Variants in CDYL2 observed in about 807,000 individuals in gnomAD.
The protein encoded by CDYL2 is chromodomain Y like 2.
In CDYL2, 23 loss-of-function variants were observed where a neutral mutation model predicts 49.4. The observed-to-expected ratio is 0.47, with a 90% CI of 0.34 to 0.66. The LOEUF is 0.66. Ranked by LOEUF, CDYL2 falls within the 30% of genes least tolerant of loss-of-function variation. The pLI, the probability that CDYL2 is intolerant of heterozygous loss-of-function variation, is 0.01. For missense variants in CDYL2, 678 were observed against 656.4 expected, an observed-to-expected ratio of 1.03 and a Z score of -0.36; for synonymous variants, 360 against 268.8, an observed-to-expected ratio of 1.34 and a Z score of -3.32.
chr16:80,753,565 GC>G (rs1906210270), intron 1 of CDYL2, among the ~76,000 whole-genome samples: 1 of 152,030 alleles, frequency 6.6e-6, no homozygotes, highest in Admixed American at 6.6e-5. Context: ...CCAAGATCGT[GC>G]CATTGTACTA....
intron 1 of CDYL2, among the ~76,000 whole-genome samples, chr16:80,802,987 A>T (rs1332124401): frequency 6.6e-6 from 1 of 152,228 alleles, no homozygotes; most frequent in Non-Finnish European, 1.5e-5. Flanking sequence ...CGGGAAGTGC[A>T]GGTCCAGGCT....
chr16:80,767,200 T>C (rs547091909), intron 1 of CDYL2, among the ~76,000 whole-genome samples: 2 of 152,136 alleles, frequency 1.3e-5, no homozygotes, highest in African/African-American at 2.4e-5. Context: ...ACAGCAAATA[T>C]GTAGACAGAT....
rs182609891 is a variant in CDYL2 at position 80,752,903 on chromosome 16, G to A, written c.24+51247C>T. On this transcript the variant is annotated intron_variant, in intron 1 of 6. Coordinates refer to ENST00000570137, the MANE Select transcript of CDYL2 (RefSeq NM_152342.4). ...AAAACCAGAGGGAATTCCTCAGGAA[G>A]AAGGAAATCTATCCCATATTGAAAG... Among the ~76,000 whole-genome samples the A allele has an allele frequency of 9.8e-5, 15 of 152,338 alleles. No homozygotes were observed. The East Asian group carries it at 2.7e-3, about 27-fold the overall frequency.
intron 1 of CDYL2, among the ~76,000 whole-genome samples, chr16:80,701,063 A>G (rs977932115): frequency 1.3e-5 from 2 of 152,214 alleles, no homozygotes; most frequent in Non-Finnish European, 2.9e-5. Flanking sequence ...GTCTTAAGCC[A>G]CTGGGAAAAA....
intron 2 of CDYL2, among the ~76,000 whole-genome samples, chr16:80,672,037 A>G (rs1467432364): frequency 6.6e-6 from 1 of 152,166 alleles, no homozygotes; most frequent in Non-Finnish European, 1.5e-5. Flanking sequence ...ATTTTGGAAT[A>G]TTTGTATTAT....
chr16:80,685,182 T>G (rs1444535594), intron 1 of CDYL2, 53 bp from the exon 2 acceptor site: 2 of 1,433,306 alleles, frequency 1.4e-6, no homozygotes, highest in Non-Finnish European at 1.9e-6. Context: ...AGGAAAAAAC[T>G]CAGTTCGAGG....
chr16:80,785,660 T>A (rs904015161), intron 1 of CDYL2, among the ~76,000 whole-genome samples: 1 of 151,992 alleles, frequency 6.6e-6, no homozygotes. Flanking sequence ...GCCAAGACAA[T>A]CTGGAGCAAG....
In CDYL2 at chr16:80,685,040, C is replaced by G. The variant is rs778020207; in HGVS notation, c.114G>C (p.Thr38=). ...GCAAGAGGTGGTGCTCCGGCTCCCA[C>G]GTGTCCTCGGTGCTCCCGTAGCCTT... ...RWKGYGSTED[T]WEPEHHLLHC... Residue 38 remains threonine (T), a synonymous_variant, in exon 2 of 7, where the codon ACG becomes ACC. Transcript: ENST00000570137. 1 of 1,614,208 alleles carries G rather than the reference C, an allele frequency of 6.2e-7. No homozygotes were observed. Among genetic ancestry groups the G allele is most frequent in the Non-Finnish European group, 8.5e-7 (1 of 1,180,042 alleles).
intron 1 of CDYL2, among the ~76,000 whole-genome samples, chr16:80,773,171 T>C (rs886560578): frequency 6.6e-6 from 1 of 152,186 alleles, no homozygotes; most frequent in Non-Finnish European, 1.5e-5. Context: ...ATATCAGATA[T>C]TTTTTAAAAC....
intron 2 of CDYL2, among the ~76,000 whole-genome samples, chr16:80,681,655 T>C (rs79426720): frequency 0.026 from 3,981 of 152,270 alleles, 69 homozygotes; most frequent in African/African-American, 0.052. Context: ...AGGCTGATGG[T>C]GGCTGGGACA....
In CDYL2 at chr16:80,606,755, C is replaced by T. The variant is rs1000651490; in HGVS notation, c.1362+1337G>A. ...GACCCTGTGGGAGATAATTCAATGA[C>T]GGGGGCAGTTTCCCCCACACTGTTC... On this transcript the variant is annotated intron_variant, in intron 6 of 6. Coordinates refer to ENST00000570137, the MANE Select transcript of CDYL2 (RefSeq NM_152342.4). Among the ~76,000 whole-genome samples the T allele has an allele frequency of 8.5e-5, 13 of 152,174 alleles. 1 individual carries two copies. The highest frequency in any genetic ancestry group is 4.1e-4 in the South Asian group (2 of 4,830).
chr16:80,638,432 A>G (rs1444641501), intron 2 of CDYL2, among the ~76,000 whole-genome samples: 1 of 152,220 alleles, frequency 6.6e-6, no homozygotes, highest in Non-Finnish European at 1.5e-5. Flanking sequence ...GACTCAATGT[A>G]ATCCCAATTC....
intron 2 of CDYL2, among the ~76,000 whole-genome samples, chr16:80,680,513 T>A (rs967417603): frequency 6.6e-6 from 1 of 152,078 alleles, no homozygotes; most frequent in African/African-American, 2.4e-5. Context: ...TTTGGCCTGT[T>A]TAGACGAGTG....
intron 1 of CDYL2, among the ~76,000 whole-genome samples, chr16:80,766,551 T>C (rs1333803309): frequency 1.3e-5 from 2 of 152,170 alleles, no homozygotes; most frequent in African/African-American, 4.8e-5. Flanking sequence ...ATCAGAAGTT[T>C]TTTATAATAA....
At chr16:80,698,501 T>C (rs889697924) in intron 1 of CDYL2, among the ~76,000 whole-genome samples, 10 of 152,264 alleles carry the variant, frequency 6.6e-5, no homozygotes, top group Admixed American at 4.6e-4. Context: ...GCATATGTGA[T>C]ACGGTTTGGA....
chr16:80,738,707 T>G (rs1905627723), intron 1 of CDYL2: 1 of 152,262 alleles, frequency 6.6e-6, no homozygotes. Flanking sequence ...TGCACAACTC[T>G]GTAAATACAC....
intron 2 of CDYL2, among the ~76,000 whole-genome samples, chr16:80,651,943 G>A (rs1039538675): frequency 7.9e-5 from 12 of 152,196 alleles, no homozygotes; most frequent in African/African-American, 2.4e-4. Flanking sequence ...ATAAGCAAAA[G>A]GAGAAGGCTA....
At chr16:80,748,130 A>ATAATAG (rs1311536618) in intron 1 of CDYL2, among the ~76,000 whole-genome samples, 1 of 109,756 alleles carries the variant, frequency 9.1e-6, no homozygotes, top group Non-Finnish European at 1.7e-5. Flanking sequence ...TTAAATAATA[A>ATAATAG]TAATAATAAT....
intron 3 of CDYL2, among the ~76,000 whole-genome samples, chr16:80,622,926 C>T (rs1015457465): frequency 6.6e-6 from 1 of 152,172 alleles, no homozygotes; most frequent in Non-Finnish European, 1.5e-5. Context: ...CACCCCCAAC[C>T]CCTTGTGAGG....
Sources: allele counts gnomAD v4.1 joint callset (sites outside exome capture counted in the v4.1 genomes callset), GRCh38; gene constraint gnomAD v4.1.1; transcripts MANE v1.5; gene names NCBI Gene and HGNC (gene_info 2026-07-23, HGNC 2026-07-21).